Variants in MYH3 observed in about 807,000 individuals in gnomAD.
MYH3 encodes myosin heavy chain 3.
MYH3 carries 130 observed loss-of-function variants against 238.0 expected under a neutral mutation model. That is an observed-to-expected ratio of 0.55 (90% CI 0.47 to 0.63). The LOEUF (loss-of-function observed/expected upper bound fraction) is 0.63. Ranked by LOEUF, MYH3 falls within the 30% of genes least tolerant of loss-of-function variation. The probability of loss-of-function intolerance (pLI) is 0.00; values close to 1 mark genes in which losing one functional copy is unlikely to be tolerated. For missense variants in MYH3, 1,853 were observed against 2,374.9 expected (o/e 0.78, Z 4.57); for synonymous variants, 880 against 924.1 (o/e 0.95, Z 0.86).
In MYH3 at chr17:10,635,500, G is replaced by C. The variant is rs780504471; in HGVS notation, c.4039C>G (p.Gln1347Glu). The change falls in exon 30 of 41, where the codon CAG (glutamine) becomes GAG (glutamate). Residue 1347 changes from glutamine (Q) to glutamate (E), a missense_variant. Around this residue, in one of 3 missense-constraint regions of MYH3, gnomAD observed 1,044 missense variants for 1,192.6 expected, o/e 0.88. Transcript: ENST00000583535. Reference protein sequence around the residue: ...SRHDCDLLREQYEEEQEGKAE... With the variant: ...SRHDCDLLREEYEEEQEGKAE... ...TTGCCTTCCTGCTCCTCCTCATACT[G>C]TTCCCGCAGCAGGTCACAGTCGTGG... 6.2e-7 allele frequency: 1 copy of C among 1,614,098 alleles called. No homozygotes were observed. The highest frequency in any genetic ancestry group is 8.5e-7 in the Non-Finnish European group (1 of 1,180,054).
At position 10,649,202 on chromosome 17, in the gene MYH3, T is replaced by C. The variant is rs375841793; in HGVS notation, c.642+375A>G. On this transcript the variant is annotated intron_variant, in intron 7 of 40. Coordinates refer to ENST00000583535, the MANE Select transcript of MYH3 (RefSeq NM_002470.4). Reference sequence around the variant, plus strand: ...CTTTAACACTTCAATCCCTTGATTCTCCAGTCAGTTGTCCGTATTCATTTC... The same window carrying C: ...CTTTAACACTTCAATCCCTTGATTCCCCAGTCAGTTGTCCGTATTCATTTC... Among the ~76,000 whole-genome samples the C allele has an allele frequency of 2.0e-5, 3 of 152,234 alleles. No individual in the cohort carries two copies. In the South Asian group the frequency reaches 6.2e-4, roughly 32 times the overall value.
chr17:10,660,982 A>ATTT (rs769646114), upstream of MYH3, among the ~76,000 whole-genome samples: 6 of 144,318 alleles, frequency 4.2e-5, 1 homozygote. Context: ...GAGACTCCTT[A>ATTT]TTTTTTTTTT....
the MYH3 span, among the ~76,000 whole-genome samples, chr17:10,664,332 G>GA: frequency 1.3e-5 from 2 of 152,116 alleles, no homozygotes; most frequent in African/African-American, 4.8e-5. Context: ...ACCAAGGCAC[G>GA]AGACAGGTAG....
the MYH3 span, among the ~76,000 whole-genome samples, chr17:10,671,572 ATTTTTTTTTTT>A: frequency 4.9e-5 from 4 of 82,320 alleles, no homozygotes; most frequent in African/African-American, 2.0e-4. Context: ...TCTCAGGGTC[ATTTTTTTTTTT>A]TTTTTTTTTT....
chr17:10,640,978 A>G, intron 19 of MYH3, 107 bp downstream of exon 19: 1 of 979,378 alleles, frequency 1.0e-6, no homozygotes, highest in Non-Finnish European at 1.7e-6. Flanking sequence ...ATGGAGGTCC[A>G]TATCTGTTCT....
chr17:10,650,288 T>C (rs2074362717), intron 6 of MYH3, 86 bp downstream of exon 6: 2 of 1,416,904 alleles, frequency 1.4e-6, no homozygotes, highest in Non-Finnish European at 2.0e-6. Flanking sequence ...ATCTTTTTAT[T>C]ATAGACTCTG....
chr17:10,672,207 T>A, the MYH3 span, among the ~76,000 whole-genome samples: 129 of 152,304 alleles, frequency 8.5e-4, 1 homozygote, highest in African/African-American at 3.0e-3. Flanking sequence ...TTAATCACTG[T>A]TCCAATATTT....
chr17:10,645,044 A>ATTTT lies in MYH3; in HGVS notation c.1142-346_1142-343dup, dbSNP rs36082575. Among the ~76,000 whole-genome samples, 752 of 146,782 alleles carry ATTTT rather than the reference A, an allele frequency of 5.1e-3. 5 individuals are homozygous for ATTTT. The highest frequency in any genetic ancestry group is 0.017 in the African/African-American group (694 of 39,914). On this transcript the variant is annotated intron_variant, in intron 12 of 40. Coordinates refer to ENST00000583535, the MANE Select transcript of MYH3 (RefSeq NM_002470.4). ...ATGGAAGGATTAATCGCTTCCATCC[A>ATTTT]TTTTTTTTTTTTTGAGACAGTCTTA...
Position 10,629,782 on chromosome 17 carries a change from A to G in MYH3, c.5659-48T>C, listed in dbSNP as rs370355816. On this transcript the variant is annotated intron_variant, in intron 39 of 40. Transcript: ENST00000583535. The stretch of plus-strand genomic sequence containing the variant: ...GGTTATATCAGCACGCGCCTCTCTC[A>G]GAACTCACCACGGGAAACAGCACGG... 3.1e-5 allele frequency: 50 copies of G among 1,614,172 alleles called. No homozygotes were observed. The African/African-American group carries it at 6.5e-4, about 21-fold the overall frequency.
At chr17:10,661,833 G>C (rs1339737804), upstream of MYH3, among the ~76,000 whole-genome samples, 1 of 152,106 alleles carries the variant, frequency 6.6e-6, no homozygotes, top group African/African-American at 2.4e-5. Flanking sequence ...ATGGGGATTA[G>C]GTGTCACTAG....
At chr17:10,675,662 C>T in the MYH3 span, 3 of 152,174 alleles carry the variant, frequency 2.0e-5, no homozygotes, top group East Asian at 1.9e-4. Context: ...ACTTTTAACA[C>T]GATGGGTTAG....
At position 10,630,094 on chromosome 17, in the gene MYH3, G is replaced by A. The variant is rs755380505; in HGVS notation, c.5560C>T (p.Gln1854Ter). 2 of 1,613,624 alleles carry A rather than the reference G, an allele frequency of 1.2e-6. No homozygotes were observed. The highest frequency in any genetic ancestry group is 1.7e-6 in the Non-Finnish European group (2 of 1,179,638). ...CATGGCGTTTGCGTTCCACTTACCT[G>A]GTACGTCAGCTCCTTGACCCTCCGC... ...YERRVKELTY[Q>*]SEEDRKNVLR... is the part of the protein sequence containing the mutation. Residue 1854 changes from glutamine (Q) to a stop codon, truncating the protein, a stop_gained and splice_region_variant, in exon 38 of 41, where the codon CAG becomes TAG. Coordinates refer to ENST00000583535, the MANE Select transcript of MYH3 (RefSeq NM_002470.4). LOFTEE classifies it high-confidence loss of function.
upstream of MYH3, among the ~76,000 whole-genome samples, chr17:10,659,609 G>A (rs942805819): frequency 5.3e-5 from 8 of 152,222 alleles, no homozygotes; most frequent in South Asian, 4.1e-4. Flanking sequence ...AGAGGCATTC[G>A]TCTGTAGGGC....
the MYH3 span, among the ~76,000 whole-genome samples, chr17:10,666,419 A>AAAAAAAAAAAACTT: frequency 0.18 from 24,119 of 136,422 alleles, 2,860 homozygotes; most frequent in Non-Finnish European, 0.23. Flanking sequence ...GTCTCTACAA[A>AAAAAAAAAAAACTT]AAAAAACCAG....
chr17:10,646,499 G>GAGGGGCAGACA (rs1186066056), intron 10 of MYH3, among the ~76,000 whole-genome samples: 1 of 152,196 alleles, frequency 6.6e-6, no homozygotes, highest in African/African-American at 2.4e-5. Flanking sequence ...AGACCTCTGT[G>GAGGGGCAGACA]AGGGGCAGAC....
chr17:10,644,983 C>T (rs934851149), intron 12 of MYH3, among the ~76,000 whole-genome samples: 1 of 152,000 alleles, frequency 6.6e-6, no homozygotes, highest in Admixed American at 6.5e-5. Flanking sequence ...TAGCTATGGG[C>T]ATCGGAGGCC....
At position 10,641,379 on chromosome 17, in the gene MYH3, GAA is replaced by G. The variant is rs3216884; in HGVS notation, c.1960-9_1960-8del. On this transcript the variant is annotated splice_region_variant and splice_polypyrimidine_tract_variant and intron_variant, in intron 17 of 40. Transcript: ENST00000583535. ...TCAGCTTGTTCAGGTTTTCCTAAGA[GAA>G]AAAAAAAATGACATTTGCCATCCTA... The G allele has an allele frequency of 3.1e-5, 47 of 1,519,424 alleles. No individual in the cohort carries two copies. The highest frequency in any genetic ancestry group is 3.8e-5 in the Non-Finnish European group (42 of 1,098,898). 94.1% of individuals were successfully genotyped at this position (1,519,424 alleles called of 1,614,324 possible).
chr17:10,671,218 G>C, the MYH3 span, among the ~76,000 whole-genome samples: 2 of 152,132 alleles, frequency 1.3e-5, no homozygotes, highest in Non-Finnish European at 1.5e-5. Context: ...GGATGCCCTA[G>C]AGTTGGGCAT....
intron 5 of MYH3, 133 bp from the exon 6 acceptor site, chr17:10,650,534 G>T: frequency 1.3e-6 from 1 of 778,098 alleles, no homozygotes; most frequent in Non-Finnish European, 2.2e-6. Flanking sequence ...GCCTTTAGGT[G>T]GGAATCTGAA....
Sources: allele counts gnomAD v4.1 joint callset (sites outside exome capture counted in the v4.1 genomes callset), GRCh38; gene constraint gnomAD v4.1.1; regional missense constraint gnomAD v4.1.1; transcripts MANE v1.5; gene names NCBI Gene and HGNC (gene_info 2026-07-23, HGNC 2026-07-21).